Variants in CACNG7 observed in about 807,000 individuals in gnomAD.
The protein encoded by CACNG7 is calcium voltage-gated channel auxiliary subunit gamma 7, also known as voltage-dependent calcium channel gamma-7 subunit.
In CACNG7, 9 loss-of-function variants were observed where a neutral mutation model predicts 26.3. That is an observed-to-expected ratio of 0.34 (90% CI 0.21 to 0.60). The LOEUF (loss-of-function observed/expected upper bound fraction) is 0.60, where lower values mean the gene tolerates loss of function less well. Among genes scored for constraint, CACNG7 ranks in the 20% least tolerant of loss-of-function variants. The probability of loss-of-function intolerance (pLI) is 0.81; values close to 1 mark genes in which losing one functional copy is unlikely to be tolerated. For missense variants in CACNG7, 297 were observed against 380.4 expected, an observed-to-expected ratio of 0.78 and a Z score of 1.82; for synonymous variants, 170 against 157.0, an observed-to-expected ratio of 1.08 and a Z score of -0.62.
chr19:53,912,589 T>A lies in CACNG7; in HGVS notation c.-29-214T>A. 1 of 505,890 alleles carries A rather than the reference T, an allele frequency of 2.0e-6. No individual in the cohort carries two copies. The allele number at this position is 505,890 out of a possible 1,614,324, so 31.3% of individuals were successfully genotyped here. A position where few individuals can be genotyped will look rare whatever the true frequency, so the allele number is the denominator to read the frequency against. On this transcript the variant is annotated intron_variant, in intron 1 of 5. Transcript: ENST00000391767. This position sits in a 1 kb window ranked among gnomAD's most constrained non-coding sequence, Gnocchi z 4.6. ...TGGAGCTAGACCACAGGCAGCAGGT[T>A]TGGGGAGCCCAGCCCTGAGGCTGAG...
chr19:53,914,892 C>T (rs1196712017), intron 3 of CACNG7, among the ~76,000 whole-genome samples: 1 of 151,928 alleles, frequency 6.6e-6, no homozygotes. Context: ...GTCCCAGCTA[C>T]TCAGGAGGCT....
At chr19:53,922,303 G>C (rs143229311) in intron 4 of CACNG7, among the ~76,000 whole-genome samples, 782 of 74,258 alleles carry the variant, frequency 0.011, 59 homozygotes, top group South Asian at 0.022. Context: ...GGTATTGGTG[G>C]AGTTGTCCCC....
intron 4 of CACNG7, among the ~76,000 whole-genome samples, chr19:53,924,898 G>C (rs1343026001): frequency 2.1e-5 from 3 of 144,472 alleles, no homozygotes; most frequent in African/African-American, 7.8e-5. Flanking sequence ...ACTTGCCCCA[G>C]GTCTGGTCAT....
chr19:53,914,273 C>CAAAAAAAA (rs376053657), intron 2 of CACNG7, among the ~76,000 whole-genome samples: 81 of 107,216 alleles, frequency 7.6e-4, no homozygotes, highest in South Asian at 2.8e-3. Context: ...GACTCCATCT[C>CAAAAAAAA]AAAAAAAAAA....
At position 53,915,867 on chromosome 19, in the gene CACNG7, G is replaced by A. The variant is rs556603685; in HGVS notation, c.424+362G>A. ...TACAACTAGTGAGAGGTAGAGCTGG[G>A]AATGAAACTCACGCAATTCGCCTCC... On this transcript the variant is annotated intron_variant, in intron 4 of 5. Transcript: ENST00000391767. Among the ~76,000 whole-genome samples the A allele has an allele frequency of 8.5e-5, 13 of 152,274 alleles. No individual in the cohort carries two copies. In the South Asian group the frequency reaches 2.5e-3, roughly 29 times the overall value.
intron 1 of CACNG7, among the ~76,000 whole-genome samples, chr19:53,911,085 GA>G (rs1275686898): frequency 7.7e-6 from 1 of 129,892 alleles, no homozygotes; most frequent in African/African-American, 4.1e-5. Flanking sequence ...TTTTTTTTTT[GA>G]GATGGAGTCT....
intron 4 of CACNG7, among the ~76,000 whole-genome samples, chr19:53,917,754 T>C (rs1359015685): frequency 7.2e-5 from 11 of 152,198 alleles, no homozygotes; most frequent in Non-Finnish European, 1.6e-4. Context: ...GGGATTTTTA[T>C]TCAACCTGTC....
At position 53,939,071 on chromosome 19, in the gene CACNG7, A is replaced by G. The variant is rs1482008802; in HGVS notation, c.425-2399A>G. The stretch of plus-strand genomic sequence containing the variant: ...CAGGAGTTTGAGACCAGCCTGGTCA[A>G]CATTGTGAAGCCCTGTCTCTACTAA... On this transcript the variant is annotated intron_variant, in intron 4 of 5. Transcript: ENST00000391767. The surrounding 1 kb of genome is among the most constrained non-coding windows in gnomAD (Gnocchi z 4.2). Among the ~76,000 whole-genome samples, 4 of 152,224 alleles carry G rather than the reference A, an allele frequency of 2.6e-5. No homozygotes were observed. The highest frequency in any genetic ancestry group is 9.6e-5 in the African/African-American group (4 of 41,456).
intron 4 of CACNG7, among the ~76,000 whole-genome samples, chr19:53,918,322 C>T (rs2068911649): frequency 6.6e-6 from 1 of 152,248 alleles, no homozygotes; most frequent in African/African-American, 2.4e-5. Flanking sequence ...AACTATTCAA[C>T]TCTACTGGGA....
At position 53,919,141 on chromosome 19, in the gene CACNG7, A is replaced by G. The variant is rs550660941; in HGVS notation, c.424+3636A>G. On this transcript the variant is annotated intron_variant, in intron 4 of 5. Coordinates refer to ENST00000391767, the MANE Select transcript of CACNG7 (RefSeq NM_031896.5). ...ATTTTCCCAACCCAGCCTCCTCACC[A>G]TGGCATTATGCTGCCCCACCAAGAT... Among the ~76,000 whole-genome samples, 7 of 152,310 alleles carry G rather than the reference A, an allele frequency of 4.6e-5. No homozygotes were observed. In the South Asian group the frequency reaches 8.3e-4, roughly 18 times the overall value.
intron 4 of CACNG7, among the ~76,000 whole-genome samples, chr19:53,916,163 A>T (rs1004088660): frequency 1.3e-5 from 2 of 152,230 alleles, no homozygotes; most frequent in Admixed American, 6.5e-5. Context: ...AGTTTCAGGC[A>T]TCACTACACT....
intron 4 of CACNG7, among the ~76,000 whole-genome samples, chr19:53,915,812 C>G (rs1047993793): frequency 6.6e-6 from 1 of 152,102 alleles, no homozygotes; most frequent in African/African-American, 2.4e-5. Context: ...AACAGACACT[C>G]AGAGGGATGA....
intron 2 of CACNG7, 99 bp downstream of exon 2, chr19:53,913,126 A>C: frequency 9.2e-7 from 1 of 1,081,300 alleles, no homozygotes; most frequent in Non-Finnish European, 1.3e-6. Flanking sequence ...GAAATCCAGA[A>C]ACGGATCCTG....
intron 4 of CACNG7, among the ~76,000 whole-genome samples, chr19:53,932,135 A>G (rs2069077166): frequency 6.6e-6 from 1 of 151,120 alleles, no homozygotes; most frequent in Non-Finnish European, 1.5e-5. Flanking sequence ...AGCCTGTAGT[A>G]TTAGCTACTC....
intron 4 of CACNG7, among the ~76,000 whole-genome samples, chr19:53,920,832 CCCCAGGCCTGGTATTGGTGGAG>C (rs1215793536): frequency 1.3e-5 from 1 of 75,296 alleles, no homozygotes. Context: ...GTGGAGTTGT[CCCCAGGCCTGGTATTGGTGGAG>C]TTGCCCCAGG....
chr19:53,909,387 C>A lies in CACNG7; in HGVS notation c.-160C>A, dbSNP rs1273833748. On this transcript the variant is annotated 5_prime_UTR_variant, in exon 1 of 6. Transcript: ENST00000391767. This position sits in a 1 kb window ranked among gnomAD's most constrained non-coding sequence, Gnocchi z 5.1. ...GCCGGGAGGGGGCCGGGACGCCGGG[C>A]TCCGGGGCGGGGGCGGGGGGCGCGG... is the stretch of plus-strand genomic sequence containing the variant. 1.3e-5 allele frequency: 2 copies of A among 148,250 alleles called. No individual in the cohort carries two copies. The highest frequency in any genetic ancestry group is 3.0e-5 in the Non-Finnish European group (2 of 66,418). The allele number at this position is 148,250 out of a possible 1,614,324, so 9.2% of individuals were successfully genotyped here.
At chr19:53,915,701 C>T (rs958503720) in intron 4 of CACNG7, among the ~76,000 whole-genome samples, 196 bp downstream of exon 4, 1 of 152,180 alleles carries the variant, frequency 6.6e-6, no homozygotes, top group Non-Finnish European at 1.5e-5. Flanking sequence ...CACATTATAG[C>T]GAGGGCTTAC....
intron 4 of CACNG7, among the ~76,000 whole-genome samples, chr19:53,937,963 G>A (rs1052614440): frequency 3.3e-5 from 5 of 152,108 alleles, no homozygotes; most frequent in Non-Finnish European, 5.9e-5. Context: ...GGGGAAATCT[G>A]GGGGAAGAGC....
chr19:53,937,129 A>G (rs969796824), intron 4 of CACNG7, among the ~76,000 whole-genome samples: 10 of 152,054 alleles, frequency 6.6e-5, no homozygotes, highest in African/African-American at 2.2e-4. Context: ...ACCTCAAGTG[A>G]TCTGCCCACC....
Sources: allele counts gnomAD v4.1 joint callset (sites outside exome capture counted in the v4.1 genomes callset), GRCh38; gene constraint gnomAD v4.1.1; non-coding constraint Gnocchi (gnomAD v3.1); transcripts MANE v1.5; gene names NCBI Gene and HGNC (gene_info 2026-07-23, HGNC 2026-07-21).